FREM3: variants seen among roughly 807,000 people sequenced by gnomAD.
FREM3 encodes the protein FRAS1-related extracellular matrix protein 3.
In FREM3, 105 loss-of-function variants were observed where a neutral mutation model predicts 129.1. The observed-to-expected ratio is 0.81, with a 90% CI of 0.69 to 0.96. FREM3 has a LOEUF of 0.96. FREM3 is among the 40% of genes least tolerant of loss of function. The pLI is 0.00. For missense variants in FREM3, 2,593 were observed against 2,666.3 expected, an observed-to-expected ratio of 0.97 and a Z score of 0.61; for synonymous variants, 1,014 against 1,044.9, an observed-to-expected ratio of 0.97 and a Z score of 0.57.
In FREM3 at chr4:143,700,086, G is replaced by A. The variant is rs1740666994; in HGVS notation, c.590C>T (p.Ser197Phe). The change falls in exon 1 of 8, where the codon TCC becomes TTC. Residue 197 changes from serine to phenylalanine, a missense_variant. Ser to Phe is a radical substitution (Grantham distance 155, BLOSUM62 -2). Transcript: ENST00000329798. Reference sequence around the variant, plus strand: ...GGTGGCCGTGGCTCCAGACTTCAGGGAGGCGAAGTCCAGCACTCTCCTGTC... The same window carrying A: ...GGTGGCCGTGGCTCCAGACTTCAGGAAGGCGAAGTCCAGCACTCTCCTGTC... ...AIDRRVLDFA[S>F]LKSGATATRR... 7.2e-6 allele frequency: 11 copies of A among 1,533,056 alleles called. No homozygotes were observed. Among genetic ancestry groups the A allele is most frequent in the East Asian group, 2.5e-5 (1 of 40,814 alleles). The allele number at this position is 1,533,056 out of a possible 1,614,324, so 95.0% of individuals were successfully genotyped here. A position where few individuals can be genotyped will look rare whatever the true frequency, so the allele number is the denominator to read the frequency against.
At position 143,696,798 on chromosome 4, in the gene FREM3, C is replaced by G; in HGVS notation, c.3878G>C (p.Arg1293Thr). 6.5e-7 allele frequency: 1 copy of G among 1,537,800 alleles called. No individual in the cohort carries two copies. The change falls in exon 1 of 8, where the codon AGG becomes ACG. Residue 1293 changes from arginine (R) to threonine (T), a missense_variant. Transcript: ENST00000329798. ...TAGGGTCACTACAATGGGTACCTTC[C>G]TGTGGGTTGTGTGCTTGCCGTCACT... ...WLSDGKHTTH[R>T]KVPIVVTLVD...
At chr4:143,660,201 T>G (rs1488564569) in intron 2 of FREM3, among the ~76,000 whole-genome samples, 1 of 147,874 alleles carries the variant, frequency 6.8e-6, no homozygotes, top group African/African-American at 2.7e-5. Context: ...TCTTCTAGGG[T>G]TTTTAATGGT....
At chr4:143,680,114 TA>T (rs894149216) in intron 2 of FREM3, among the ~76,000 whole-genome samples, 9 of 151,496 alleles carry the variant, frequency 5.9e-5, no homozygotes, top group Admixed American at 2.6e-4. Flanking sequence ...CAAGAAAATG[TA>T]AAAAAAAGCA....
In FREM3 at chr4:143,697,035, T is replaced by C; in HGVS notation, c.3641A>G (p.Gln1214Arg). Residue 1214 changes from glutamine (Q) to arginine (R), a missense_variant, in exon 1 of 8, where the codon CAG (glutamine) becomes CGG (arginine). This residue lies in a region of FREM3 where 2,276 missense variants were observed against 2,267.2 expected (regional missense o/e 1.00). Coordinates refer to ENST00000329798, the MANE Select transcript of FREM3 (RefSeq NM_001168235.2). Reference protein sequence around the residue: ...LEGMSLVIDTQLLNGADADLP... With the variant: ...LEGMSLVIDTRLLNGADADLP... ...GTCAGCATCTGCTCCATTAAGCAGC[T>C]GGGTGTCTATGACCAGGCTCATCCC... is the stretch of plus-strand genomic sequence containing the variant. 1 of 1,537,544 alleles carries C rather than the reference T, an allele frequency of 6.5e-7. No homozygotes were observed. Among genetic ancestry groups the C allele is most frequent in the East Asian group, 2.4e-5 (1 of 40,908 alleles).
chr4:143,688,698 C>T (rs957501946), intron 2 of FREM3, among the ~76,000 whole-genome samples: 1 of 152,060 alleles, frequency 6.6e-6, no homozygotes, highest in African/African-American at 2.4e-5. Context: ...TGGAACAGAA[C>T]AGAGAACCCA....
intron 2 of FREM3, among the ~76,000 whole-genome samples, chr4:143,651,561 C>T (rs775940385): frequency 3.3e-5 from 5 of 152,208 alleles, no homozygotes; most frequent in Non-Finnish European, 7.3e-5. Flanking sequence ...CTATCTGCTC[C>T]TTCCTCAACA....
intron 2 of FREM3, among the ~76,000 whole-genome samples, chr4:143,667,492 A>G (rs1471971633): frequency 3.3e-5 from 5 of 152,248 alleles, no homozygotes; most frequent in Admixed American, 6.5e-5. Context: ...CTCCAACATT[A>G]TATCAGTCGC....
chr4:143,611,212 C>A, intron 6 of FREM3, 67 bp downstream of exon 6: 1 of 1,466,906 alleles, frequency 6.8e-7, no homozygotes, highest in Non-Finnish European at 9.1e-7. Context: ...ATTTGCCTTT[C>A]AACTGTTGGA....
intron 2 of FREM3, among the ~76,000 whole-genome samples, chr4:143,657,403 C>G (rs1739621012): frequency 6.6e-6 from 1 of 152,190 alleles, no homozygotes; most frequent in East Asian, 1.9e-4. Flanking sequence ...AATTTTAGGA[C>G]TGGAAGGGTC....
rs1740552528 is a variant in FREM3, at chr4:143,695,677, C to A, written c.4999G>T (p.Gly1667Cys). ...TGAAGGCGCTTCAAGGCTGGGGCACCCCTGTTGGTAGTAATCTGGGGAAGC... is the reference window on the plus strand; with the variant it reads ...TGAAGGCGCTTCAAGGCTGGGGCACACCTGTTGGTAGTAATCTGGGGAAGC... ...NRLPQITTNR[G>C]APALKRLHTG... The change falls in exon 1 of 8, where the codon GGT (glycine) becomes TGT (cysteine). Residue 1667 changes from glycine to cysteine, a missense_variant. Around this residue, in one of 2 missense-constraint regions of FREM3, gnomAD observed 2,276 missense variants for 2,267.2 expected, o/e 1.00. Coordinates refer to ENST00000329798, the MANE Select transcript of FREM3 (RefSeq NM_001168235.2). 4 of 1,537,124 alleles carry A rather than the reference C, an allele frequency of 2.6e-6. No individual in the cohort carries two copies. The highest frequency in any genetic ancestry group is 3.5e-6 in the Non-Finnish European group (4 of 1,146,886).
At chr4:143,643,409 A>G (rs1165637200) in intron 2 of FREM3, among the ~76,000 whole-genome samples, 1 of 23,720 alleles carries the variant, frequency 4.2e-5, no homozygotes, top group Non-Finnish European at 9.6e-5. Flanking sequence ...AATGTGGTAT[A>G]GAAACACAAT....
chr4:143,665,551 C>A (rs1739844193), intron 2 of FREM3, among the ~76,000 whole-genome samples: 1 of 152,060 alleles, frequency 6.6e-6, no homozygotes, highest in South Asian at 2.1e-4. Context: ...CTAGGTGTTT[C>A]TTTACATATT....
At chr4:143,630,292 A>T (rs1739114406) in intron 2 of FREM3, among the ~76,000 whole-genome samples, 1 of 152,184 alleles carries the variant, frequency 6.6e-6, no homozygotes, top group South Asian at 2.1e-4. Context: ...ATTAATTTAC[A>T]CTAGGCTATA....
Position 143,611,473 on chromosome 4 carries a change from C to A in FREM3, c.5834G>T (p.Arg1945Leu). The stretch of plus-strand genomic sequence containing the variant: ...GAGGATGCTGGTGTGGTCTTCTGGA[C>A]GTGAGATGTAATCAGAGAATAACAC... ...STVLFSDYIS[R>L]PEDHTSILHF... Residue 1945 changes from arginine (R) to leucine (L), a missense_variant, in exon 6 of 8, where the codon CGT becomes CTT. Coordinates refer to ENST00000329798, the MANE Select transcript of FREM3 (RefSeq NM_001168235.2). 1 of 1,537,004 alleles carries A rather than the reference C, an allele frequency of 6.5e-7. No individual in the cohort carries two copies. Among genetic ancestry groups the A allele is most frequent in the Non-Finnish European group, 8.7e-7 (1 of 1,146,786 alleles).
At chr4:143,681,215 A>G (rs1446434016) in intron 2 of FREM3, among the ~76,000 whole-genome samples, 2 of 152,106 alleles carry the variant, frequency 1.3e-5, no homozygotes, top group Non-Finnish European at 2.9e-5. Flanking sequence ...GATGATTTTT[A>G]TTCCTTAAGC....
chr4:143,634,336 T>A (rs1233325387), intron 2 of FREM3, among the ~76,000 whole-genome samples: 1 of 152,122 alleles, frequency 6.6e-6, no homozygotes, highest in East Asian at 1.9e-4. Flanking sequence ...ATATATATTG[T>A]ACAATCTTTG....
intron 4 of FREM3, among the ~76,000 whole-genome samples, chr4:143,621,378 G>T (rs1738948932): frequency 6.6e-6 from 1 of 152,166 alleles, no homozygotes; most frequent in Non-Finnish European, 1.5e-5. Context: ...TGAAAGGTTA[G>T]AAAGGACAGC....
intron 2 of FREM3, among the ~76,000 whole-genome samples, chr4:143,648,896 A>G (rs964529325): frequency 2.0e-5 from 3 of 152,060 alleles, no homozygotes; most frequent in African/African-American, 7.2e-5. Flanking sequence ...TGAGGATCTG[A>G]GACTACATGT....
At chr4:143,677,744 C>G (rs533459923) in intron 2 of FREM3, among the ~76,000 whole-genome samples, 1 of 152,298 alleles carries the variant, frequency 6.6e-6, no homozygotes, top group African/African-American at 2.4e-5. Context: ...TGAACAGACA[C>G]TTCTCAAAAG....
Sources: allele counts gnomAD v4.1 joint callset (sites outside exome capture counted in the v4.1 genomes callset), GRCh38; gene constraint gnomAD v4.1.1; regional missense constraint gnomAD v4.1.1; transcripts MANE v1.5; gene names NCBI Gene and HGNC (gene_info 2026-07-23, HGNC 2026-07-21).